CCNB3: variants seen among roughly 807,000 people sequenced by gnomAD.
CCNB3 encodes the protein G2/mitotic-specific cyclin-B3.
Under a neutral mutation model 68.0 loss-of-function variants are expected in CCNB3, and 12 were observed. The observed-to-expected ratio is 0.18, with a 90% CI of 0.11 to 0.29. The LOEUF (loss-of-function observed/expected upper bound fraction) is 0.29. Ranked by LOEUF, CCNB3 falls within the 10% of genes least tolerant of loss-of-function variation. The probability of loss-of-function intolerance (pLI) is 1.00; values close to 1 mark genes in which losing one functional copy is unlikely to be tolerated. For missense variants in CCNB3, 904 were observed against 993.1 expected (o/e 0.91, Z 1.21); for synonymous variants, 354 against 388.9 (o/e 0.91, Z 1.06).
intron 1 of CCNB3, among the ~76,000 whole-genome samples, chrX:50,228,801 GATATATAGAATATATATATAGAATAT>G (rs1378045083): frequency 4.6e-5 from 2 of 43,406 alleles, no homozygotes; most frequent in Non-Finnish European, 8.3e-5. Flanking sequence ...ATATAGAATA[GATATATAGAATATATATATAGAATAT>G]ATATAGAATA....
rs2147060093 is a variant in CCNB3 at position 50,309,119 on chromosome X, A to G, written c.950A>G (p.Lys317Arg). 8.3e-7 allele frequency: 1 copy of G among 1,211,341 alleles called. No homozygotes were observed. The highest frequency in any genetic ancestry group is 1.1e-6 in the Non-Finnish European group (1 of 895,022). Residue 317 changes from lysine to arginine, a missense_variant, in exon 6 of 13, where the codon AAG becomes AGG. Physicochemically the swap from Lys to Arg is conservative, Grantham distance 26. Around this residue, in one of 2 missense-constraint regions of CCNB3, gnomAD observed 619 missense variants for 609.8 expected, o/e 1.02. Transcript: ENST00000376042. The part of the protein sequence containing the change: ...TTICGAMSSI[K>R]KPTTEKETLF... ...ATCTGTGGAGCAATGTCCTCCATTA[A>G]GAAGCCTACCACTGAGAAGGAGACA...
chrX:50,323,969 C>T (rs1178070334), intron 8 of CCNB3, among the ~76,000 whole-genome samples: 1 of 112,234 alleles, frequency 8.9e-6, no homozygotes, highest in Admixed American at 9.4e-5. Context: ...GGCTATTGGC[C>T]TAGTAAGGTT....
intron 5 of CCNB3, among the ~76,000 whole-genome samples, chrX:50,297,567 G>GCCTCC (rs1557211422): frequency 8.9e-6 from 1 of 112,186 alleles, no homozygotes; most frequent in African/African-American, 3.2e-5. Context: ...GTAGCGTGAT[G>GCCTCC]CCTCCAGCTT....
rs782623196 is a variant in CCNB3 at position 50,346,777 on chromosome X, C to T, written c.3780C>T (p.Ile1260=). Residue 1260 remains isoleucine (I), a synonymous_variant, in exon 10 of 13, where the codon ATC becomes ATT. Transcript: ENST00000376042. ...NVLKCDINIP[I]AYHFLRRYAR... ...TCAAATGTGACATTAACATTCCCAT[C>T]GCCTACCATTTTCTGCGCAGATATG... 6.6e-6 allele frequency: 8 copies of T among 1,211,323 alleles called. No individual in the cohort carries two copies. The highest frequency in any genetic ancestry group is 8.9e-6 in the Non-Finnish European group (8 of 895,290).
chrX:50,222,211 CTT>C (rs1482693511), intron 1 of CCNB3, among the ~76,000 whole-genome samples: 1 of 111,341 alleles, frequency 9.0e-6, no homozygotes, highest in South Asian at 3.8e-4. Context: ...GGTCTTGACT[CTT>C]TATCCACTTT....
In CCNB3 at chrX:50,312,557, T is replaced by C; in HGVS notation, c.3348T>C (p.Ile1116=). The change falls in exon 7 of 13, where the codon ATT becomes ATC. Residue 1116 remains isoleucine, a synonymous_variant. Transcript: ENST00000376042. ...TPKEITPRED[I]DEDSSDPSFN... Reference sequence around the variant, plus strand: ...AGCAGATAACCCCACGGGAAGATATTGATGAGGACAGCAGTGATCCAAGTT... The same window carrying C: ...AGCAGATAACCCCACGGGAAGATATCGATGAGGACAGCAGTGATCCAAGTT... The C allele has an allele frequency of 2.5e-6, 3 of 1,205,261 alleles. No individual in the cohort carries two copies. The East Asian group carries it at 8.9e-5, about 36-fold the overall frequency.
Position 50,311,487 on chromosome X carries a change from A to G in CCNB3, c.3318A>G (p.Thr1106=). 1 of 1,188,871 alleles carries G rather than the reference A, an allele frequency of 8.4e-7. No homozygotes were observed. Among genetic ancestry groups the G allele is most frequent in the Non-Finnish European group, 1.1e-6 (1 of 878,348 alleles). ...CTGTCTCACCACAGGCCAAGGGAAC[A>G]CCAAAGGAGGTATTCATCTCCCTTT... ...DKPVSPQAKG[T]PKEITPREDI... is the part of the protein sequence containing the mutation. Residue 1106 remains threonine (T), a synonymous_variant, in exon 6 of 13, where the codon ACA becomes ACG. Transcript: ENST00000376042.
chrX:50,225,522 G>T (rs1455216694), intron 1 of CCNB3, among the ~76,000 whole-genome samples: 1 of 110,505 alleles, frequency 9.0e-6, no homozygotes, highest in African/African-American at 3.3e-5. Flanking sequence ...TTGTTGTGTT[G>T]TATTTGTATC....
At position 50,351,769 on chromosome X, in the gene CCNB3, T is replaced by C. The variant is rs1158985935; in HGVS notation, c.*66T>C. Reference sequence around the variant, plus strand: ...TTTATTCTATGTTCGAATTTGTCTTTTGATCGCTTTTATTCATTTTTCCTT... The same window carrying C: ...TTTATTCTATGTTCGAATTTGTCTTCTGATCGCTTTTATTCATTTTTCCTT... On this transcript the variant is annotated 3_prime_UTR_variant, in exon 13 of 13. Transcript: ENST00000376042. The C allele has an allele frequency of 6.3e-5, 51 of 805,772 alleles. No homozygotes were observed. The highest frequency in any genetic ancestry group is 8.7e-5 in the Non-Finnish European group (49 of 564,677). 66.4% of individuals were successfully genotyped at this position (805,772 alleles called of 1,213,427 possible). A position where few individuals can be genotyped will look rare whatever the true frequency, so the allele number is the denominator to read the frequency against.
intron 1 of CCNB3, among the ~76,000 whole-genome samples, chrX:50,280,174 T>C (rs1162091401): frequency 3.4e-5 from 3 of 87,493 alleles, no homozygotes; most frequent in African/African-American, 8.4e-5. Context: ...ATATATAGAA[T>C]ATATATATAA....
At chrX:50,204,539 T>G (rs1935318568), upstream of CCNB3, 1 of 109,001 alleles carries the variant, frequency 9.2e-6, no homozygotes, top group Admixed American at 9.9e-5. Context: ...GTGTGGTGAT[T>G]AGCATGCCTT....
intron 8 of CCNB3, among the ~76,000 whole-genome samples, chrX:50,329,282 C>T (rs1557217750): frequency 8.9e-6 from 1 of 112,461 alleles, no homozygotes; most frequent in African/African-American, 3.2e-5. Context: ...CCCTTCCAAA[C>T]TGCCCTCATA....
chrX:50,280,234 TATAGA>T (rs1936110154), intron 1 of CCNB3, among the ~76,000 whole-genome samples: 1 of 82,950 alleles, frequency 1.2e-5, no homozygotes, highest in Non-Finnish European at 2.2e-5. Flanking sequence ...TAAATATATG[TATAGA>T]ATATAGATAT....
In CCNB3 at chrX:50,310,312, G is replaced by A; in HGVS notation, c.2143G>A (p.Glu715Lys). 2 of 1,211,496 alleles carry A rather than the reference G, an allele frequency of 1.7e-6. No homozygotes were observed. The highest frequency in any genetic ancestry group is 2.2e-6 in the Non-Finnish European group (2 of 895,015). ...CTTGAAGAACTTGTTGGCTTTGCAG[G>A]AGAAAAGCACCATGGAAGAAGAGTC... ...DSLKNLLALQ[E>K]KSTMEEESLI... The change falls in exon 6 of 13, where the codon GAG (glutamate) becomes AAG (lysine). Residue 715 changes from glutamate to lysine, a missense_variant. Physicochemically the swap from Glu to Lys is moderately conservative, Grantham distance 56. Around this residue, in one of 2 missense-constraint regions of CCNB3, gnomAD observed 619 missense variants for 609.8 expected, o/e 1.02. Transcript: ENST00000376042.
chrX:50,284,451 A>T (rs1207628090), intron 1 of CCNB3, 91 bp from the exon 2 acceptor site: 3 of 112,043 alleles, frequency 2.7e-5, no homozygotes, highest in African/African-American at 9.7e-5. Flanking sequence ...AGGCTGGGAA[A>T]TCCAAGATCA....
At chrX:50,227,678 T>G (rs1935913233) in intron 1 of CCNB3, among the ~76,000 whole-genome samples, 1 of 94,005 alleles carries the variant, frequency 1.1e-5, no homozygotes, top group Non-Finnish European at 2.0e-5. Context: ...ATAGAGAGAA[T>G]ATATATATAA....
chrX:50,221,114 G>T (rs1935665094), intron 1 of CCNB3, among the ~76,000 whole-genome samples: 1 of 111,437 alleles, frequency 9.0e-6, no homozygotes, highest in South Asian at 3.8e-4. Flanking sequence ...GGGATCAGTG[G>T]TGATATCCCC....
At chrX:50,207,307 T>C (rs1304775687) in intron 1 of CCNB3, among the ~76,000 whole-genome samples, 4 of 111,517 alleles carry the variant, frequency 3.6e-5, no homozygotes, top group African/African-American at 1.3e-4. Flanking sequence ...ATTTGTGTCT[T>C]CTGAAATTCT....
At chrX:50,339,695 T>C (rs1346812027) in intron 8 of CCNB3, among the ~76,000 whole-genome samples, 3 of 111,837 alleles carry the variant, frequency 2.7e-5, no homozygotes, top group African/African-American at 9.8e-5. Context: ...ATGGCACTGC[T>C]ATCTGCTTGG....
Sources: gnomAD v4.1 joint callset for allele counts (sites outside exome capture counted in the v4.1 genomes callset) on GRCh38, gnomAD v4.1.1 for gene constraint, gnomAD v4.1.1 regional missense constraint, MANE v1.5 for transcripts, NCBI Gene and HGNC (gene_info 2026-07-23, HGNC 2026-07-21) for gene names.